The following PEAK1 variants were observed in gnomAD, a reference collection of about 807,000 sequenced individuals.
PEAK1 encodes the protein pseudopodium enriched atypical kinase 1, also known as inactive tyrosine-protein kinase PEAK1.
In PEAK1, 54 loss-of-function variants were observed where a neutral mutation model predicts 124.7. The ratio of observed to expected loss-of-function variants is 0.43; its 90% confidence interval spans 0.35 to 0.54. The LOEUF (loss-of-function observed/expected upper bound fraction) is 0.54, where lower values mean the gene tolerates loss of function less well. Among genes scored for constraint, PEAK1 ranks in the 20% least tolerant of loss-of-function variants. The probability of loss-of-function intolerance (pLI) is 0.01; values close to 1 mark genes in which losing one functional copy is unlikely to be tolerated. For missense variants in PEAK1, 2,046 were observed against 2,134.5 expected (o/e 0.96, Z 0.82); for synonymous variants, 719 against 760.0 (o/e 0.95, Z 0.89).
intron 5 of PEAK1, among the ~76,000 whole-genome samples, chr15:77,259,312 A>G (rs970921917): frequency 2.6e-5 from 4 of 152,170 alleles, no homozygotes; most frequent in African/African-American, 9.6e-5. Context: ...TAATAATTTT[A>G]TATTTAAAAT....
chr15:77,260,734 G>A (rs979512976), intron 5 of PEAK1, among the ~76,000 whole-genome samples: 1 of 152,178 alleles, frequency 6.6e-6, no homozygotes, highest in Non-Finnish European at 1.5e-5. Flanking sequence ...CACAGAAGAT[G>A]TATGATTTCT....
intron 2 of PEAK1, among the ~76,000 whole-genome samples, chr15:77,341,217 G>C (rs1006179689): frequency 2.0e-5 from 3 of 152,052 alleles, no homozygotes; most frequent in African/African-American, 7.2e-5. Context: ...AAAAAGCTCT[G>C]CTTGGCTGGG....
chr15:77,265,583 G>A (rs555655828), intron 5 of PEAK1, among the ~76,000 whole-genome samples: 227 of 152,024 alleles, frequency 1.5e-3, no homozygotes, highest in Middle Eastern at 3.4e-3. Flanking sequence ...TTAGAATGGC[G>A]ATCATTAAAA....
chr15:77,190,686 T>C (rs2057789739), intron 6 of PEAK1, among the ~76,000 whole-genome samples: 1 of 152,230 alleles, frequency 6.6e-6, no homozygotes, highest in Non-Finnish European at 1.5e-5. Flanking sequence ...AATATGTAGA[T>C]GATACAGTTC....
At chr15:77,201,230 GTCTTT>G (rs2058346494) in intron 6 of PEAK1, among the ~76,000 whole-genome samples, 2 of 120,548 alleles carry the variant, frequency 1.7e-5, no homozygotes, top group Admixed American at 1.9e-4. Context: ...AAGCCTTTGT[GTCTTT>G]TTTTTTTTTT....
intron 8 of PEAK1, among the ~76,000 whole-genome samples, chr15:77,144,177 T>C (rs538647320): frequency 3.9e-5 from 6 of 152,366 alleles, no homozygotes; most frequent in Admixed American, 6.5e-5. Context: ...AGCTAGAGAA[T>C]GAAGTTCAAA....
chr15:77,270,718 T>C (rs2152953976), intron 5 of PEAK1, among the ~76,000 whole-genome samples: 1 of 152,284 alleles, frequency 6.6e-6, no homozygotes, highest in East Asian at 1.9e-4. Flanking sequence ...AAGAAAGTCA[T>C]TGGTAGCTTG....
At chr15:77,337,005 A>G (rs982898427) in intron 2 of PEAK1, 1 of 562,330 alleles carries the variant, frequency 1.8e-6, no homozygotes, top group Non-Finnish European at 2.3e-6. Flanking sequence ...ATATAGAAAT[A>G]TCCAAAGACA....
intron 8 of PEAK1, among the ~76,000 whole-genome samples, chr15:77,143,545 T>A (rs1198106644): frequency 6.6e-6 from 1 of 152,198 alleles, no homozygotes; most frequent in Non-Finnish European, 1.5e-5. Flanking sequence ...TCCTCTTATA[T>A]CCTAAGTCAG....
At chr15:77,402,622 G>C (rs867779154) in intron 1 of PEAK1, 18 of 984,512 alleles carry the variant, frequency 1.8e-5, no homozygotes, top group Non-Finnish European at 2.2e-5. Context: ...CAAAGTGGGG[G>C]CATATAATGA....
intron 2 of PEAK1, among the ~76,000 whole-genome samples, chr15:77,357,808 T>C (rs2067617543): frequency 6.6e-6 from 1 of 152,234 alleles, no homozygotes; most frequent in Non-Finnish European, 1.5e-5. Flanking sequence ...ATACCTTTTC[T>C]ATTTTTTTAA....
At chr15:77,299,888 CT>C (rs1336483306) in intron 2 of PEAK1, among the ~76,000 whole-genome samples, 1 of 152,142 alleles carries the variant, frequency 6.6e-6, no homozygotes, top group Non-Finnish European at 1.5e-5. Flanking sequence ...TCATGAGTTC[CT>C]ATTTTATTCA....
intron 7 of PEAK1, among the ~76,000 whole-genome samples, chr15:77,168,662 A>G (rs1054583365): frequency 2.0e-5 from 3 of 152,196 alleles, no homozygotes; most frequent in Admixed American, 6.5e-5. Flanking sequence ...CTCCTGGATT[A>G]CTGAGGAATA....
chr15:77,348,347 A>C, intron 2 of PEAK1: 1 of 884,728 alleles, frequency 1.1e-6, no homozygotes, highest in South Asian at 5.2e-5. Flanking sequence ...ATATTAAATA[A>C]AACAGGTTAA....
At chr15:77,351,274 G>C (rs1034327845) in intron 2 of PEAK1, among the ~76,000 whole-genome samples, 1 of 152,198 alleles carries the variant, frequency 6.6e-6, no homozygotes, top group East Asian at 1.9e-4. Flanking sequence ...GTTCATGAGA[G>C]AGGATGTGAC....
At chr15:77,363,440 T>G (rs1158402387) in intron 2 of PEAK1, among the ~76,000 whole-genome samples, 1 of 152,072 alleles carries the variant, frequency 6.6e-6, no homozygotes, top group Admixed American at 6.6e-5. Context: ...TAAAAACACT[T>G]TCCTCCACTC....
chr15:77,398,374 T>C (rs906176117), intron 1 of PEAK1, among the ~76,000 whole-genome samples: 1 of 152,162 alleles, frequency 6.6e-6, no homozygotes, highest in African/African-American at 2.4e-5. Flanking sequence ...AACAAAATAC[T>C]AGCAAACTGA....
chr15:77,228,257 A>G (rs1275944572), intron 6 of PEAK1, among the ~76,000 whole-genome samples: 1 of 152,154 alleles, frequency 6.6e-6, no homozygotes, highest in Non-Finnish European at 1.5e-5. Flanking sequence ...TACCAGTTGC[A>G]TTATAATACC....
At chr15:77,408,341 G>A (rs1178905619) in intron 1 of PEAK1, among the ~76,000 whole-genome samples, 4 of 148,626 alleles carry the variant, frequency 2.7e-5, no homozygotes, top group African/African-American at 4.9e-5. Flanking sequence ...GCTAAGCTAT[G>A]AGGATGCATA....
Sources: allele counts gnomAD v4.1 joint callset (sites outside exome capture counted in the v4.1 genomes callset), GRCh38; gene constraint gnomAD v4.1.1; transcripts MANE v1.5; gene names NCBI Gene and HGNC (gene_info 2026-07-23, HGNC 2026-07-21).